The following EIF1 variants were observed in gnomAD, a reference collection of about 807,000 sequenced individuals.
The protein encoded by EIF1 is eukaryotic translation initiation factor 1, also known as protein translation factor SUI1 homolog.
EIF1 carries 4 observed loss-of-function variants against 13.7 expected under a neutral mutation model. That is an observed-to-expected ratio of 0.29 (90% CI 0.14 to 0.67). The LOEUF (loss-of-function observed/expected upper bound fraction) is 0.67, where lower values mean the gene tolerates loss of function less well. EIF1 is among the 30% of genes least tolerant of loss of function. EIF1 has a pLI of 0.77. For synonymous variants in EIF1, 67 were observed against 50.7 expected, an observed-to-expected ratio of 1.32 and a Z score of -1.37; for missense variants, 64 against 138.0, an observed-to-expected ratio of 0.46 and a Z score of 2.69.
intron 1 of EIF1, 80 bp from the exon 2 acceptor site, chr17:41,689,698 G>T: frequency 7.0e-7 from 1 of 1,425,212 alleles, no homozygotes; most frequent in Non-Finnish European, 9.4e-7. Flanking sequence ...TTCTGCACGC[G>T]CAAAACACCT....
chr17:41,689,521 C>T (rs748621068), intron 1 of EIF1: 59 of 478,522 alleles, frequency 1.2e-4, no homozygotes, highest in Non-Finnish European at 1.9e-4. Context: ...GGGGCACCGC[C>T]TGGCAGCCCG....
In EIF1 at chr17:41,691,316, C is replaced by T. The variant is rs1469745506; in HGVS notation, c.*490C>T. 1.8e-5 allele frequency: 4 copies of T among 220,950 alleles called. No homozygotes were observed. The highest frequency in any genetic ancestry group is 3.5e-5 in the Non-Finnish European group (4 of 113,428). The allele number at this position is 220,950 out of a possible 1,614,324, so 13.7% of individuals were successfully genotyped here. On this transcript the variant is annotated 3_prime_UTR_variant, in exon 4 of 4. Coordinates refer to ENST00000469257, the MANE Select transcript of EIF1 (RefSeq NM_005801.4). ...CTCCAACCTGACTAGGTGGACAGAG[C>T]TCAAAGAGGCCCTCTTACCGCTAGC...
rs1278591528 is a variant in EIF1, at chr17:41,690,941, G to A, written c.*115G>A. ...ACAGCTTGTATAATGTAACCATTTG[G>A]GGTCCGCTTTTAACTTGGACTAGTG... On this transcript the variant is annotated 3_prime_UTR_variant, in exon 4 of 4. Coordinates refer to ENST00000469257, the MANE Select transcript of EIF1 (RefSeq NM_005801.4). The A allele has an allele frequency of 8.2e-7, 1 of 1,219,738 alleles. No homozygotes were observed. Among genetic ancestry groups the A allele is most frequent in the Non-Finnish European group, 1.2e-6 (1 of 836,482 alleles). 75.6% of individuals were successfully genotyped at this position (1,219,738 alleles called of 1,614,324 possible).
chr17:41,689,388 G>T lies in EIF1; in HGVS notation c.31+319G>T, dbSNP rs139886705. The T allele has an allele frequency of 3.4e-4, 179 of 525,620 alleles. No individual in the cohort carries two copies. The East Asian group carries it at 5.6e-3, about 17-fold the overall frequency. 32.6% of individuals were successfully genotyped at this position (525,620 alleles called of 1,614,324 possible). On this transcript the variant is annotated intron_variant, in intron 1 of 3. Transcript: ENST00000469257. Reference sequence around the variant, plus strand: ...CGTCACGTCCGTTACGTCACCACCCGTTGTCACGGATCCGGAGGGAAAGGC... The same window carrying T: ...CGTCACGTCCGTTACGTCACCACCCTTTGTCACGGATCCGGAGGGAAAGGC...
chr17:41,692,125 G>C lies in EIF1; in HGVS notation c.*1299G>C, dbSNP rs1233065212. ...AACTGTTTTTGCAAGCATTTAGCCA[G>C]AGTCATGCTGTGCTGTTAATCAGTG... On this transcript the variant is annotated 3_prime_UTR_variant, in exon 4 of 4. Transcript: ENST00000469257. 6.6e-6 allele frequency: 1 copy of C among 152,274 alleles called. No individual in the cohort carries two copies. Among genetic ancestry groups the C allele is most frequent in the Non-Finnish European group, 1.5e-5 (1 of 68,082 alleles). The allele number at this position is 152,274 out of a possible 1,614,324, so 9.4% of individuals were successfully genotyped here.
intron 1 of EIF1, chr17:41,689,304 G>T (rs1910294090): frequency 3.3e-6 from 2 of 597,860 alleles, no homozygotes; most frequent in Middle Eastern, 4.2e-4. Context: ...TCTCAGTGGC[G>T]CATTTACTAA....
In EIF1 at chr17:41,690,895, T is replaced by C. The variant is rs1237367876; in HGVS notation, c.*69T>C. The C allele has an allele frequency of 1.3e-5, 20 of 1,574,404 alleles. No homozygotes were observed. The highest frequency in any genetic ancestry group is 3.4e-5 in the Admixed American group (2 of 59,512). On this transcript the variant is annotated 3_prime_UTR_variant, in exon 4 of 4. Transcript: ENST00000469257. ...TGAGTAGAATTTCCCTTCTCTCCCT[T>C]GTCACAGGTTTAAAAACCTCACAGC... is the stretch of plus-strand genomic sequence containing the variant.
chr17:41,689,509 G>A (rs890849839), intron 1 of EIF1: 1 of 470,496 alleles, frequency 2.1e-6, no homozygotes, highest in Non-Finnish European at 3.8e-6. Flanking sequence ...CATCAGCTGG[G>A]TGGGGCACCG....
chr17:41,691,085 G>A lies in EIF1; in HGVS notation c.*259G>A, dbSNP rs1484629036. The A allele has an allele frequency of 2.0e-5, 11 of 561,192 alleles. No individual in the cohort carries two copies. Among genetic ancestry groups the A allele is most frequent in the South Asian group, 4.8e-5 (2 of 41,516 alleles). 34.8% of individuals were successfully genotyped at this position (561,192 alleles called of 1,614,324 possible). On this transcript the variant is annotated 3_prime_UTR_variant, in exon 4 of 4. Coordinates refer to ENST00000469257, the MANE Select transcript of EIF1 (RefSeq NM_005801.4). ...GTCAAGCCTGAAACCAAGCAATACC[G>A]TCATGTTTCAGCCAAGCCCAGAGCC...
intron 2 of EIF1, 54 bp from the exon 3 acceptor site, chr17:41,690,032 TGA>T: frequency 6.2e-7 from 1 of 1,609,872 alleles, no homozygotes; most frequent in Non-Finnish European, 8.5e-7. Flanking sequence ...GCGGAAGGGG[TGA>T]TAAATGCGTT....
chr17:41,689,609 T>TC (rs1910310789), intron 1 of EIF1, 169 bp from the exon 2 acceptor site: 1 of 621,908 alleles, frequency 1.6e-6, no homozygotes, highest in Non-Finnish European at 2.6e-6. Flanking sequence ...AAGCTGGCCG[T>TC]CCCGGACTGA....
intron 1 of EIF1, 27 bp from the exon 2 acceptor site, chr17:41,689,751 C>CTGA: frequency 6.4e-7 from 1 of 1,566,544 alleles, no homozygotes; most frequent in Non-Finnish European, 8.7e-7. Context: ...TTTGACAGCT[C>CTGA]TGAACGAGCT....
At chr17:41,690,364 C>T (rs1910335466) in intron 3 of EIF1, 175 bp downstream of exon 3, 1 of 590,434 alleles carries the variant, frequency 1.7e-6, no homozygotes. Context: ...AGGGACTTGT[C>T]TACCTTTGGT....
At chr17:41,690,406 CA>C (rs1014188106) in intron 3 of EIF1, 1 of 571,178 alleles carries the variant, frequency 1.8e-6, no homozygotes, top group African/African-American at 1.9e-5. Context: ...TTCACAGATG[CA>C]AATTTGAATA....
chr17:41,689,385 C>T (rs1007130707), intron 1 of EIF1: 9 of 531,200 alleles, frequency 1.7e-5, no homozygotes, highest in Admixed American at 7.2e-5. Context: ...TACGTCACCA[C>T]CCGTTGTCAC....
intron 1 of EIF1, 83 bp downstream of exon 1, chr17:41,689,152 C>T (rs1910288075): frequency 2.0e-6 from 3 of 1,476,496 alleles, no homozygotes; most frequent in South Asian, 1.1e-5. Flanking sequence ...AGTTGCCAAG[C>T]GCTCCGGGCC....
intron 1 of EIF1, 140 bp from the exon 2 acceptor site, chr17:41,689,638 G>T (rs58959805): frequency 1.2e-6 from 1 of 836,838 alleles, no homozygotes; most frequent in Non-Finnish European, 1.8e-6. Context: ...GGGAGAGCCA[G>T]CAAAGGACAC....
chr17:41,692,103 T>C lies in EIF1; in HGVS notation c.*1277T>C, dbSNP rs906397901. 2 of 152,324 alleles carry C rather than the reference T, an allele frequency of 1.3e-5. No individual in the cohort carries two copies. The highest frequency in any genetic ancestry group is 4.8e-5 in the African/African-American group (2 of 41,458). 9.4% of individuals were successfully genotyped at this position (152,324 alleles called of 1,614,324 possible). A position where few individuals can be genotyped will look rare whatever the true frequency, so the allele number is the denominator to read the frequency against. On this transcript the variant is annotated 3_prime_UTR_variant, in exon 4 of 4. Coordinates refer to ENST00000469257, the MANE Select transcript of EIF1 (RefSeq NM_005801.4). ...GAGCCACCATGCCCAGCAGGTCAACTGTTTTTGCAAGCATTTAGCCAGAGT... is the reference window on the plus strand; with the variant it reads ...GAGCCACCATGCCCAGCAGGTCAACCGTTTTTGCAAGCATTTAGCCAGAGT...
At chr17:41,690,404 T>C (rs867682580) in intron 3 of EIF1, 1 of 574,086 alleles carries the variant, frequency 1.7e-6, no homozygotes, top group Non-Finnish European at 3.1e-6. Flanking sequence ...ACTTCACAGA[T>C]GCAAATTTGA....
Sources: allele counts gnomAD v4.1 joint callset, GRCh38; gene constraint gnomAD v4.1.1; transcripts MANE v1.5; gene names NCBI Gene and HGNC (gene_info 2026-07-23, HGNC 2026-07-21).